The following TRPC5 variants were observed in gnomAD, a reference collection of about 807,000 sequenced individuals.
TRPC5 encodes the protein transient receptor potential cation channel subfamily C member 5.
TRPC5 carries 9 observed loss-of-function variants against 56.5 expected under a neutral mutation model. That is an observed-to-expected ratio of 0.16 (90% CI 0.10 to 0.28). The LOEUF (loss-of-function observed/expected upper bound fraction) is 0.28, where lower values mean the gene tolerates loss of function less well. TRPC5 is among the 10% of genes least tolerant of loss of function. The probability of loss-of-function intolerance (pLI) is 1.00; values close to 1 mark genes in which losing one functional copy is unlikely to be tolerated. For synonymous variants in TRPC5, 282 were observed against 278.5 expected, an observed-to-expected ratio of 1.01 and a Z score of -0.13; for missense variants, 469 against 748.9, an observed-to-expected ratio of 0.63 and a Z score of 4.36.
chrX:111,796,501 G>T, intron 7 of TRPC5, among the ~76,000 whole-genome samples: 1 of 111,837 alleles, frequency 8.9e-6, no homozygotes. Context: ...GTTGGTGTTT[G>T]TTTAGTGACT....
intron 3 of TRPC5, among the ~76,000 whole-genome samples, chrX:111,872,184 T>TAGCTATTTTTTA (rs777018066): frequency 4.1e-4 from 46 of 112,459 alleles, no homozygotes; most frequent in Non-Finnish European, 7.9e-4. Flanking sequence ...CTATTTTTTA[T>TAGCTATTTTTTA]TAGCAACACA....
In TRPC5 at chrX:111,897,724, T is replaced by A. The variant is rs1013700137; in HGVS notation, c.900+14567A>T. Among the ~76,000 whole-genome samples the A allele has an allele frequency of 5.4e-5, 6 of 111,894 alleles. No homozygotes were observed. In the Admixed American group the frequency reaches 5.7e-4, roughly 11 times the overall value. ...TCCCTCTCAGTAGTGCCTTTCTTTT[T>A]ATTGCTTATTAGTATCACATTGTGT... On this transcript the variant is annotated intron_variant, in intron 3 of 10. Transcript: ENST00000262839.
At chrX:111,821,500 A>G (rs990243528) in intron 7 of TRPC5, among the ~76,000 whole-genome samples, 7 of 111,686 alleles carry the variant, frequency 6.3e-5, no homozygotes, top group East Asian at 2.8e-4. Flanking sequence ...TCCACTGGGT[A>G]TTCTGACCTC....
intron 1 of TRPC5, among the ~76,000 whole-genome samples, chrX:112,030,714 A>T (rs770226671): frequency 4.5e-5 from 5 of 112,154 alleles, no homozygotes; most frequent in Non-Finnish European, 9.4e-5. Context: ...TCCATCACCT[A>T]TATAATTGTT....
At chrX:111,784,581 G>A (rs77913032) in intron 7 of TRPC5, among the ~76,000 whole-genome samples, 3 of 111,983 alleles carry the variant, frequency 2.7e-5, no homozygotes, top group African/African-American at 9.7e-5. Context: ...TGGACAGTGG[G>A]TGCAGCCCAC....
intron 1 of TRPC5, among the ~76,000 whole-genome samples, chrX:111,971,528 T>C (rs1422153842): frequency 2.7e-5 from 3 of 111,403 alleles, no homozygotes; most frequent in Non-Finnish European, 5.7e-5. Flanking sequence ...CTGTAGCCTC[T>C]TGAGTGCTGT....
rs1171014372 is a variant in TRPC5 at position 112,048,572 on chromosome X, G to A, written c.-22+33307C>T. Among the ~76,000 whole-genome samples the A allele has an allele frequency of 5.5e-5, 6 of 110,028 alleles. No homozygotes were observed. The Admixed American group carries it at 5.8e-4, about 11-fold the overall frequency. On this transcript the variant is annotated intron_variant, in intron 1 of 10. Transcript: ENST00000262839. ...ATGATAACCCTAACCATATTTGTGA[G>A]GGAGGGAAGGATTACCACATCAGCT...
At chrX:112,012,000 A>G (rs1401045225) in intron 1 of TRPC5, among the ~76,000 whole-genome samples, 1 of 112,422 alleles carries the variant, frequency 8.9e-6, no homozygotes, top group Non-Finnish European at 1.9e-5. Context: ...ACTGTCATGA[A>G]AGTTATGTAA....
At position 111,952,137 on chromosome X, in the gene TRPC5, T is replaced by A; in HGVS notation, c.284A>T (p.Tyr95Phe). The A allele has an allele frequency of 8.2e-7, 1 of 1,212,329 alleles. No homozygotes were observed. The highest frequency in any genetic ancestry group is 1.1e-6 in the Non-Finnish European group (1 of 895,656). ...GGCATAGAGCAATGCATCACCCACA[T>A]ACACGCTGTGGTTCAGCAGTAGCTC... The part of the protein sequence containing the change: ...IMELLLNHSV[Y>F]VGDALLYAIR... The change falls in exon 2 of 11, where the codon TAT (tyrosine) becomes TTT (phenylalanine). Residue 95 changes from tyrosine to phenylalanine, a missense_variant. This residue lies in a region of TRPC5 where 118 missense variants were observed against 167.1 expected (regional missense o/e 0.71). Transcript: ENST00000262839.
intron 7 of TRPC5, among the ~76,000 whole-genome samples, chrX:111,815,693 C>T (rs1921839157): frequency 2.7e-5 from 3 of 110,325 alleles, no homozygotes; most frequent in African/African-American, 9.9e-5. Flanking sequence ...TGCACTCCAG[C>T]CTGGGAGACA....
At chrX:111,957,802 T>C (rs1927276324) in intron 1 of TRPC5, among the ~76,000 whole-genome samples, 1 of 112,166 alleles carries the variant, frequency 8.9e-6, no homozygotes, top group African/African-American at 3.2e-5. Context: ...GCCCTTGCCA[T>C]CAAGCAACTC....
At chrX:111,850,281 A>T (rs925909066) in intron 5 of TRPC5, among the ~76,000 whole-genome samples, 1 of 111,821 alleles carries the variant, frequency 8.9e-6, no homozygotes, top group African/African-American at 3.2e-5. Context: ...GTTCCTTTTG[A>T]GTACTTTGGT....
intron 2 of TRPC5, among the ~76,000 whole-genome samples, chrX:111,944,304 G>GGGAA (rs1556592186): frequency 1.4e-5 from 1 of 70,238 alleles, no homozygotes; most frequent in Non-Finnish European, 2.7e-5. Context: ...GTGTGTGTGT[G>GGGAA]AGAGAGAGAG....
chrX:112,052,593 G>A (rs1427272602), intron 1 of TRPC5, among the ~76,000 whole-genome samples: 1 of 111,515 alleles, frequency 9.0e-6, no homozygotes, highest in African/African-American at 3.3e-5. Context: ...TTTTCACTCT[G>A]TTGAGTCCTT....
chrX:111,805,230 A>C (rs952619973), intron 7 of TRPC5, among the ~76,000 whole-genome samples: 3 of 111,572 alleles, frequency 2.7e-5, no homozygotes, highest in Non-Finnish European at 5.6e-5. Flanking sequence ...AAGCTTTTTG[A>C]TGTGCTGCTG....
chrX:111,961,879 T>TA (rs1203577908), intron 1 of TRPC5, among the ~76,000 whole-genome samples: 1 of 111,748 alleles, frequency 8.9e-6, no homozygotes, highest in Non-Finnish European at 1.9e-5. Flanking sequence ...TGACTGGATT[T>TA]AAAAAAATGT....
At chrX:111,963,743 A>G (rs768179877) in intron 1 of TRPC5, among the ~76,000 whole-genome samples, 14 of 112,409 alleles carry the variant, frequency 1.2e-4, no homozygotes, top group Non-Finnish European at 2.4e-4. Context: ...GCAAACTCCA[A>G]CAGAGCTGCA....
At chrX:111,874,689 T>C (rs1383791300) in intron 3 of TRPC5, among the ~76,000 whole-genome samples, 3 of 112,307 alleles carry the variant, frequency 2.7e-5, no homozygotes, top group African/African-American at 9.7e-5. Context: ...GAGCCAGGTT[T>C]TGAACCCAGG....
At position 111,834,921 on chromosome X, in the gene TRPC5, G is replaced by A. The variant is rs752528061; in HGVS notation, c.1896C>T (p.Ala632=). 2.5e-6 allele frequency: 3 copies of A among 1,191,745 alleles called. No homozygotes were observed. Among genetic ancestry groups the A allele is most frequent in the East Asian group, 3.0e-5 (1 of 33,250 alleles). The change falls in exon 7 of 11, where the codon GCC becomes GCT. Residue 632 remains alanine (A), a splice_region_variant and synonymous_variant. Coordinates refer to ENST00000262839, the MANE Select transcript of TRPC5 (RefSeq NM_012471.3). The stretch of plus-strand genomic sequence containing the variant: ...ACGCTTGTAAAGCAAAGCTACTCAC[G>A]GCAATAAGCTGATAGGAGTTGTTCA... ...AMMNNSYQLI[A]DHADIEWKFA...
Sources: allele counts gnomAD v4.1 joint callset (sites outside exome capture counted in the v4.1 genomes callset), GRCh38; gene constraint gnomAD v4.1.1; regional missense constraint gnomAD v4.1.1; transcripts MANE v1.5; gene names NCBI Gene and HGNC (gene_info 2026-07-23, HGNC 2026-07-21).